Variants in NYNRIN observed in about 807,000 individuals in gnomAD.
NYNRIN encodes NYN domain and retroviral integrase containing, also known as protein NYNRIN.
NYNRIN carries 86 observed loss-of-function variants against 146.6 expected under a neutral mutation model. The observed-to-expected ratio is 0.59, with a 90% confidence interval of 0.49 to 0.70. The LOEUF is 0.70. Ranked by LOEUF, NYNRIN falls within the 30% of genes least tolerant of loss-of-function variation. The pLI is 0.00. For synonymous variants in NYNRIN, 1,027 were observed against 1,001.3 expected (o/e 1.03, Z -0.48); for missense variants, 2,191 against 2,377.7 (o/e 0.92, Z 1.63).
At chr14:24,406,018 C>T (rs777029064) in intron 2 of NYNRIN, among the ~76,000 whole-genome samples, 17 of 151,468 alleles carry the variant, frequency 1.1e-4, no homozygotes, top group Non-Finnish European at 2.2e-4. Context: ...AAAAATTAGC[C>T]GGGCATGGTG....
In NYNRIN at chr14:24,414,867, C is replaced by G. The variant is rs201775736; in HGVS notation, c.3118C>G (p.Arg1040Gly). 6.2e-7 allele frequency: 1 copy of G among 1,610,234 alleles called. No homozygotes were observed. Among genetic ancestry groups the G allele is most frequent in the Non-Finnish European group, 8.5e-7 (1 of 1,177,162 alleles). Reference protein sequence around the residue: ...ECPSLSEEILRCLSLHDPPDG... With the variant: ...ECPSLSEEILGCLSLHDPPDG... ...CCCGTCCCTTTCGGAGGAGATCCTG[C>G]GGTGCCTCAGCCTCCATGATCCCCC... Residue 1040 changes from arginine to glycine, a missense_variant, in exon 9 of 9, where the codon CGG (arginine) becomes GGG (glycine). Arg to Gly is a moderately radical substitution (Grantham distance 125, BLOSUM62 -2). Transcript: ENST00000382554.
rs1483742621 is a variant in NYNRIN at position 24,415,469 on chromosome 14, G to T, written c.3720G>T (p.Ala1240=). ...TTTCCTATGCCTCCCGGACCACTGCGGACCCTGAGGTGCGGGAGGGCCGCA... is the reference window on the plus strand; with the variant it reads ...TTTCCTATGCCTCCCGGACCACTGCTGACCCTGAGGTGCGGGAGGGCCGCA... ...LDLSYASRTT[A]DPEVREGRRV... The change falls in exon 9 of 9, where the codon GCG becomes GCT. Residue 1240 remains alanine (A), a synonymous_variant. Transcript: ENST00000382554. 2 of 1,613,758 alleles carry T rather than the reference G, an allele frequency of 1.2e-6. No individual in the cohort carries two copies. The highest frequency in any genetic ancestry group is 1.7e-6 in the Non-Finnish European group (2 of 1,179,880).
In NYNRIN at chr14:24,414,585, T is replaced by C; in HGVS notation, c.2847-11T>C. 1 of 1,595,960 alleles carries C rather than the reference T, an allele frequency of 6.3e-7. No homozygotes were observed. Among genetic ancestry groups the C allele is most frequent in the Non-Finnish European group, 8.6e-7 (1 of 1,168,976 alleles). On this transcript the variant is annotated splice_polypyrimidine_tract_variant and intron_variant, in intron 8 of 8. Coordinates refer to ENST00000382554, the MANE Select transcript of NYNRIN (RefSeq NM_025081.3). ...GGGCTGCCCTTCCCTCTTCCATCTGTTTTGGTGTAGGTTGGACACTGACAT... is the reference window on the plus strand; with the variant it reads ...GGGCTGCCCTTCCCTCTTCCATCTGCTTTGGTGTAGGTTGGACACTGACAT...
rs138897404 is a variant in NYNRIN at position 24,416,720 on chromosome 14, G to A, written c.4971G>A (p.Thr1657=). The change falls in exon 9 of 9, where the codon ACG becomes ACA. Residue 1657 remains threonine, a synonymous_variant. Transcript: ENST00000382554. ...EAFPLKPYTH[T]AVAQVLLQHV... is the part of the protein sequence containing the mutation. ...TCCCCCTGAAGCCCTACACACACAC[G>A]GCTGTGGCCCAGGTGCTGCTTCAGC... 55 of 1,613,928 alleles carry A rather than the reference G, an allele frequency of 3.4e-5. No homozygotes were observed. Among genetic ancestry groups the A allele is most frequent in the Admixed American group, 1.2e-4 (7 of 60,028 alleles).
intron 4 of NYNRIN, 31 bp downstream of exon 4, chr14:24,410,239 G>C: frequency 6.5e-7 from 1 of 1,529,404 alleles, no homozygotes; most frequent in Non-Finnish European, 8.9e-7. Flanking sequence ...GGTGGGCTGG[G>C]GATGCTGTGG....
chr14:24,400,736 C>CT (rs2042836605), intron 2 of NYNRIN, among the ~76,000 whole-genome samples: 1 of 151,324 alleles, frequency 6.6e-6, no homozygotes, highest in Admixed American at 6.6e-5. Flanking sequence ...CTTTTTGTTA[C>CT]TTTGAAAGGC....
intron 2 of NYNRIN, among the ~76,000 whole-genome samples, chr14:24,405,637 C>T (rs985748839): frequency 9.2e-5 from 14 of 152,154 alleles, no homozygotes; most frequent in African/African-American, 3.4e-4. Flanking sequence ...GTGAAGACCC[C>T]CGACTGTGGA....
intron 2 of NYNRIN, among the ~76,000 whole-genome samples, chr14:24,405,018 GTGTGTGTGTGAGAGAA>G (rs2042867973): frequency 3.1e-5 from 1 of 32,752 alleles, no homozygotes; most frequent in Admixed American, 5.6e-4. Context: ...GTGTGTGTGT[GTGTGTGTGTGAGAGAA>G]TGTGTGTGTG....
At chr14:24,404,795 A>G (rs192379064) in intron 2 of NYNRIN, among the ~76,000 whole-genome samples, 2 of 152,266 alleles carry the variant, frequency 1.3e-5, no homozygotes, top group East Asian at 3.9e-4. Context: ...CTGCCAAGCA[A>G]ATCTCTGAGT....
chr14:24,415,467 G>A lies in NYNRIN; in HGVS notation c.3718G>A (p.Ala1240Thr). 1 of 1,613,912 alleles carries A rather than the reference G, an allele frequency of 6.2e-7. No individual in the cohort carries two copies. The highest frequency in any genetic ancestry group is 8.5e-7 in the Non-Finnish European group (1 of 1,179,876). The change falls in exon 9 of 9, where the codon GCG becomes ACG. Residue 1240 changes from alanine to threonine, a missense_variant. Coordinates refer to ENST00000382554, the MANE Select transcript of NYNRIN (RefSeq NM_025081.3). ...CCTTTCCTATGCCTCCCGGACCACT[G>A]CGGACCCTGAGGTGCGGGAGGGCCG... ...LDLSYASRTT[A>T]DPEVREGRRV... is the part of the protein sequence containing the mutation.
intron 8 of NYNRIN, among the ~76,000 whole-genome samples, 193 bp from the exon 9 acceptor site, chr14:24,414,403 G>A (rs1406567393): frequency 6.6e-6 from 1 of 152,254 alleles, no homozygotes; most frequent in African/African-American, 2.4e-5. Flanking sequence ...CTCTAATACT[G>A]GGGGTCTGGC....
rs769247936 is a variant in NYNRIN at position 24,409,222 on chromosome 14, C to T, written c.1428C>T (p.Leu476=). ...SDVKDKVSSD[L]PQIGPPLTST... is the part of the protein sequence containing the mutation. ...TAAAAGACAAAGTTAGCTCGGATCTCCCACAGATAGGGCCACCCTTGACCT... is the reference window on the plus strand; with the variant it reads ...TAAAAGACAAAGTTAGCTCGGATCTTCCACAGATAGGGCCACCCTTGACCT... The change falls in exon 4 of 9, where the codon CTC becomes CTT. Residue 476 remains leucine, a synonymous_variant. Transcript: ENST00000382554. The T allele has an allele frequency of 1.2e-6, 2 of 1,613,546 alleles. No individual in the cohort carries two copies. Among genetic ancestry groups the T allele is most frequent in the Middle Eastern group, 1.6e-4 (1 of 6,082 alleles).
chr14:24,406,514 G>A (rs1209934831), intron 2 of NYNRIN, among the ~76,000 whole-genome samples: 2 of 152,182 alleles, frequency 1.3e-5, no homozygotes, highest in Non-Finnish European at 2.9e-5. Flanking sequence ...TTTTGAGCTG[G>A]TTTTGAACTG....
intron 2 of NYNRIN, among the ~76,000 whole-genome samples, chr14:24,402,445 C>T (rs761684702): frequency 1.4e-4 from 22 of 152,080 alleles, no homozygotes; most frequent in Non-Finnish European, 2.9e-4. Flanking sequence ...TGGTGGTGGG[C>T]AAGAGTACCT....
intron 2 of NYNRIN, among the ~76,000 whole-genome samples, chr14:24,403,677 C>T (rs573888243): frequency 2.6e-5 from 4 of 152,264 alleles, no homozygotes; most frequent in Non-Finnish European, 4.4e-5. Context: ...AATTATTTGT[C>T]GAATGGATGA....
chr14:24,400,459 A>G (rs981537846), intron 2 of NYNRIN, among the ~76,000 whole-genome samples: 7 of 152,196 alleles, frequency 4.6e-5, no homozygotes, highest in Admixed American at 1.3e-4. Context: ...GTTTATACCT[A>G]TATCTTAATT....
At position 24,410,138 on chromosome 14, in the gene NYNRIN, A is replaced by C. The variant is rs2042903150; in HGVS notation, c.2344A>C (p.Asn782His). The change falls in exon 4 of 9, where the codon AAC (asparagine) becomes CAC (histidine). Residue 782 changes from asparagine (N) to histidine (H), a missense_variant. Asn to His is a moderately conservative substitution (Grantham distance 68). Around this residue, in one of 3 missense-constraint regions of NYNRIN, gnomAD observed 1,291 missense variants for 1,417.0 expected, o/e 0.91. Transcript: ENST00000382554. ...HEALNTPFEL[N>H]LSGEPGNQGL... ...GGCCCTGAATACACCCTTCGAGCTGAACCTGTCAGGGGAACCTGGAAACCA... is the reference window on the plus strand; with the variant it reads ...GGCCCTGAATACACCCTTCGAGCTGCACCTGTCAGGGGAACCTGGAAACCA... 6.2e-7 allele frequency: 1 copy of C among 1,613,582 alleles called. No individual in the cohort carries two copies. Among genetic ancestry groups the C allele is most frequent in the African/African-American group, 1.3e-5 (1 of 75,060 alleles).
chr14:24,410,996 A>T, intron 4 of NYNRIN, 80 bp from the exon 5 acceptor site: 1 of 1,568,142 alleles, frequency 6.4e-7, no homozygotes, highest in Non-Finnish European at 8.7e-7. Context: ...TGGTGCTGGC[A>T]TTGCTTGCTT....
chr14:24,414,737 G>A lies in NYNRIN; in HGVS notation c.2988G>A (p.Lys996=). 1 of 1,613,648 alleles carries A rather than the reference G, an allele frequency of 6.2e-7. No individual in the cohort carries two copies. The change falls in exon 9 of 9, where the codon AAG becomes AAA. Residue 996 remains lysine (K), a synonymous_variant. Transcript: ENST00000382554. ...ATATGGAAGAAGTCAGGGAAGAGAAGGAGGAGAGGCAGGATGAGGAGCAGA... is the reference window on the plus strand; with the variant it reads ...ATATGGAAGAAGTCAGGGAAGAGAAAGAGGAGAGGCAGGATGAGGAGCAGA... ...LPNMEEVREE[K]EERQDEEQRQ...
Sources: allele counts gnomAD v4.1 joint callset (sites outside exome capture counted in the v4.1 genomes callset), GRCh38; gene constraint gnomAD v4.1.1; regional missense constraint gnomAD v4.1.1; transcripts MANE v1.5; gene names NCBI Gene and HGNC (gene_info 2026-07-23, HGNC 2026-07-21).